Variants in TTC23L observed in about 807,000 individuals in gnomAD.
The protein encoded by TTC23L is tetratricopeptide repeat domain 23 like.
Under a neutral mutation model 48.1 loss-of-function variants are expected in TTC23L, and 42 were observed. The ratio of observed to expected loss-of-function variants is 0.87; its 90% CI spans 0.68 to 1.13. The LOEUF is 1.13. Among genes scored for constraint, TTC23L ranks in the 50% most tolerant of loss-of-function variants. The pLI is 0.00. For synonymous variants in TTC23L, 159 were observed against 157.2 expected, an observed-to-expected ratio of 1.01 and a Z score of -0.09; for missense variants, 391 against 421.0, an observed-to-expected ratio of 0.93 and a Z score of 0.62.
intron 3 of TTC23L, among the ~76,000 whole-genome samples, chr5:34,847,908 T>C (rs1759348336): frequency 6.6e-6 from 1 of 152,252 alleles, no homozygotes; most frequent in African/African-American, 2.4e-5. Context: ...CCTATGGTAC[T>C]GCTGTATCTT....
the TTC23L span, among the ~76,000 whole-genome samples, chr5:34,924,028 T>TAGAAGTTTCTCTCTCAAAGCAC: frequency 6.6e-6 from 1 of 152,124 alleles, no homozygotes; most frequent in East Asian, 1.9e-4. Context: ...TCTCAAAGCT[T>TAGAAGTTTCTCTCTCAAAGCAC]AGAAGTTTCT....
intron 3 of TTC23L, among the ~76,000 whole-genome samples, chr5:34,849,251 GA>G (rs774273998): frequency 3.3e-5 from 5 of 151,952 alleles, no homozygotes; most frequent in Non-Finnish European, 5.9e-5. Context: ...AGAAAAAAAA[GA>G]AAAAACAACC....
intron 9 of TTC23L, among the ~76,000 whole-genome samples, chr5:34,884,782 A>G (rs1455412457): frequency 1.3e-5 from 2 of 152,214 alleles, no homozygotes. Flanking sequence ...AATTATATGC[A>G]TGCTTTCCTA....
At chr5:34,864,478 A>G (rs1760904871) in exon 6 of TTC23L, 3 of 1,613,760 alleles carry the variant, frequency 1.9e-6, no homozygotes, top group Admixed American at 3.3e-5. Flanking sequence ...GCAGAGAGAA[A>G]CATGAAGGAG....
chr5:34,860,334 A>G (rs1435627634), intron 4 of TTC23L, among the ~76,000 whole-genome samples: 3 of 152,138 alleles, frequency 2.0e-5, no homozygotes, highest in South Asian at 2.1e-4. Context: ...TCAAAATCCT[A>G]TCCACTCTTG....
At chr5:34,918,879 CTT>C in the TTC23L span, 33,626 of 147,728 alleles carry the variant, frequency 0.23, 4,431 homozygotes, top group East Asian at 0.36. Flanking sequence ...ATTCAAAGCA[CTT>C]TTTAAGTTGG....
At chr5:34,887,848 A>T (rs940370918) in intron 9 of TTC23L, among the ~76,000 whole-genome samples, 1 of 152,202 alleles carries the variant, frequency 6.6e-6, no homozygotes, top group African/African-American at 2.4e-5. Flanking sequence ...GTTCTGAAAT[A>T]AAAAAAGACC....
At chr5:34,840,809 C>G in intron 2 of TTC23L, 70 bp downstream of exon 2, 2 of 1,425,290 alleles carry the variant, frequency 1.4e-6, no homozygotes, top group Non-Finnish European at 2.0e-6. Context: ...CTGCTTAAGG[C>G]AAACCTGGGT....
the TTC23L span, chr5:34,913,492 AATAG>A: frequency 6.3e-7 from 1 of 1,588,846 alleles, no homozygotes; most frequent in Non-Finnish European, 8.6e-7. Context: ...TTGATCCAAA[AATAG>A]ATAAACAGTC....
intron 9 of TTC23L, among the ~76,000 whole-genome samples, chr5:34,896,305 C>G (rs1039056341): frequency 6.6e-6 from 1 of 152,154 alleles, no homozygotes; most frequent in East Asian, 1.9e-4. Flanking sequence ...GGTTCCAGAG[C>G]AAAAGGCTGG....
the TTC23L span, chr5:34,911,452 T>G: frequency 7.1e-7 from 1 of 1,409,174 alleles, no homozygotes; most frequent in Non-Finnish European, 9.7e-7. Flanking sequence ...TTGTGAAAAC[T>G]CTAAAAATGT....
At chr5:34,919,761 G>T in the TTC23L span, 1 of 453,792 alleles carries the variant, frequency 2.2e-6, no homozygotes. Context: ...TTATTTTCTG[G>T]ATAGCATATG....
In TTC23L at chr5:34,873,688, C is replaced by G. The variant is rs149177799; in HGVS notation, c.949+4675C>G. 2.8e-4 allele frequency among the ~76,000 whole-genome samples: 43 copies of G among 152,112 alleles called. No individual in the cohort carries two copies. In the East Asian group the frequency reaches 3.9e-3, roughly 14 times the overall value. On this transcript the variant is annotated intron_variant, in intron 8 of 10. Coordinates refer to ENST00000505624, the Ensembl canonical transcript of TTC23L. ...GCATCAGAAATTTTAATGGGGAGAC[C>G]ACAGAAGGGCTAAATGAGCTCTCCC...
the TTC23L span, chr5:34,913,768 A>T: frequency 1.8e-6 from 1 of 569,082 alleles, no homozygotes; most frequent in Non-Finnish European, 3.2e-6. Flanking sequence ...CCTGGATCTA[A>T]AACTATCCCT....
chr5:34,900,739 GTATTA>G (rs1408501925), downstream of TTC23L, among the ~76,000 whole-genome samples: 1 of 152,118 alleles, frequency 6.6e-6, no homozygotes, highest in Non-Finnish European at 1.5e-5. Flanking sequence ...GGGTCCCATG[GTATTA>G]TATGAGGTTT....
intron 3 of TTC23L, among the ~76,000 whole-genome samples, chr5:34,848,660 A>G (rs1178686327): frequency 1.3e-5 from 2 of 152,198 alleles, no homozygotes; most frequent in Non-Finnish European, 2.9e-5. Flanking sequence ...AAAGTGAATG[A>G]CATGGAAGAG....
At chr5:34,861,020 T>A (rs542539855) in intron 4 of TTC23L, 88 of 152,344 alleles carry the variant, frequency 5.8e-4, no homozygotes, top group Non-Finnish European at 9.5e-4. Flanking sequence ...CAGGCTGGAG[T>A]GCAGTGGTGC....
chr5:34,912,209 T>G, the TTC23L span, among the ~76,000 whole-genome samples: 1 of 152,252 alleles, frequency 6.6e-6, no homozygotes. Context: ...AGTGGATTGC[T>G]GTCATCTGTA....
chr5:34,853,956 G>A (rs957413591), intron 4 of TTC23L, among the ~76,000 whole-genome samples: 1 of 152,210 alleles, frequency 6.6e-6, no homozygotes, highest in Non-Finnish European at 1.5e-5. Context: ...GCCAGATGCT[G>A]CCCTCTCTGT....
Sources: gnomAD v4.1 joint callset for allele counts (sites outside exome capture counted in the v4.1 genomes callset) on GRCh38, gnomAD v4.1.1 for gene constraint, MANE v1.5 for transcripts, NCBI Gene and HGNC (gene_info 2026-07-23, HGNC 2026-07-21) for gene names.